The following POFUT3 variants were observed in gnomAD, a reference collection of about 807,000 sequenced individuals.
The protein encoded by POFUT3 is GDP-fucose protein O-fucosyltransferase 3.
chr8:33,351,399 C>A, the POFUT3 span, among the ~76,000 whole-genome samples: 1 of 152,148 alleles, frequency 6.6e-6, no homozygotes, highest in East Asian at 1.9e-4. Flanking sequence ...AGGAGCAGAT[C>A]TCTCATGATA....
At chr8:33,324,572 G>C in the POFUT3 span, among the ~76,000 whole-genome samples, 12,811 of 151,968 alleles carry the variant, frequency 0.084, 1,811 homozygotes, top group African/African-American at 0.29. Context: ...CTAAACCCCA[G>C]CTGTAAAATG....
the POFUT3 span, among the ~76,000 whole-genome samples, chr8:33,318,743 A>C: frequency 1.4e-5 from 1 of 70,872 alleles, no homozygotes; most frequent in Non-Finnish European, 2.3e-5. Flanking sequence ...ATATATATTT[A>C]TATAATATAT....
At chr8:33,433,091 G>C in the POFUT3 span, among the ~76,000 whole-genome samples, 1,444 of 151,718 alleles carry the variant, frequency 9.5e-3, 20 homozygotes, top group African/African-American at 0.033. Context: ...AAAATTAGCC[G>C]GGCACGGTGG....
the POFUT3 span, among the ~76,000 whole-genome samples, chr8:33,460,059 G>A: frequency 2.6e-5 from 4 of 152,136 alleles, no homozygotes; most frequent in East Asian, 3.9e-4. Flanking sequence ...GCTAGGTGGC[G>A]GAAGCCTGTA....
the POFUT3 span, among the ~76,000 whole-genome samples, chr8:33,460,303 C>A: frequency 6.6e-6 from 1 of 152,080 alleles, no homozygotes; most frequent in East Asian, 1.9e-4. Flanking sequence ...TGCAGTGAGC[C>A]GAGACTGCGC....
chr8:33,336,194 C>T, the POFUT3 span, among the ~76,000 whole-genome samples: 2 of 152,184 alleles, frequency 1.3e-5, no homozygotes, highest in Non-Finnish European at 2.9e-5. Context: ...ATAAATCCTG[C>T]CCTGCTTTGT....
At chr8:33,461,266 C>G in the POFUT3 span, 2 of 1,245,886 alleles carry the variant, frequency 1.6e-6, no homozygotes, top group South Asian at 2.9e-5. Flanking sequence ...CCTGAACACC[C>G]CTGATTCAGC....
At chr8:33,470,078 C>T in the POFUT3 span, among the ~76,000 whole-genome samples, 1 of 151,496 alleles carries the variant, frequency 6.6e-6, no homozygotes, top group South Asian at 2.1e-4. Context: ...CAGGTGTGAG[C>T]CATGGCGCCC....
the POFUT3 span, among the ~76,000 whole-genome samples, chr8:33,449,197 G>A: frequency 6.6e-6 from 1 of 150,750 alleles, no homozygotes; most frequent in Non-Finnish European, 1.5e-5. Flanking sequence ...CATACAAAAT[G>A]CTCTGTGGGC....
the POFUT3 span, among the ~76,000 whole-genome samples, chr8:33,410,686 C>T: frequency 6.6e-6 from 1 of 152,132 alleles, no homozygotes; most frequent in South Asian, 2.1e-4. Context: ...GTAACACAGC[C>T]CTTTGCATTG....
At chr8:33,358,681 T>G in the POFUT3 span, among the ~76,000 whole-genome samples, 1 of 152,054 alleles carries the variant, frequency 6.6e-6, no homozygotes, top group East Asian at 1.9e-4. Flanking sequence ...AGGATGGAGC[T>G]CTCATGAATG....
At chr8:33,317,776 T>C in the POFUT3 span, among the ~76,000 whole-genome samples, 1 of 152,072 alleles carries the variant, frequency 6.6e-6, no homozygotes, top group Non-Finnish European at 1.5e-5. Context: ...AGTTTGGGTC[T>C]GTAACACACC....
At chr8:33,315,630 G>A in the POFUT3 span, among the ~76,000 whole-genome samples, 1 of 151,986 alleles carries the variant, frequency 6.6e-6, no homozygotes, top group Non-Finnish European at 1.5e-5. Flanking sequence ...GAAACCGATG[G>A]GAACAAATGC....
chr8:33,424,859 T>C, the POFUT3 span, among the ~76,000 whole-genome samples: 1 of 152,190 alleles, frequency 6.6e-6, no homozygotes. Context: ...ATTTCAGGTT[T>C]CAGGAACGCA....
At chr8:33,407,987 CA>C in the POFUT3 span, among the ~76,000 whole-genome samples, 6,263 of 83,654 alleles carry the variant, frequency 0.075, 401 homozygotes, top group African/African-American at 0.24. Context: ...GACTCCATCT[CA>C]AAAAAAAAAA....
chr8:33,362,989 T>A, the POFUT3 span, among the ~76,000 whole-genome samples: 8 of 152,084 alleles, frequency 5.3e-5, no homozygotes, highest in Non-Finnish European at 1.2e-4. Context: ...CACCACATCA[T>A]GCTTATTCTA....
the POFUT3 span, chr8:33,453,621 C>A: frequency 4.7e-6 from 4 of 858,176 alleles, no homozygotes; most frequent in African/African-American, 5.1e-5. Context: ...GCTGCTGTAA[C>A]AAATTACCAC....
At chr8:33,408,016 G>GA in the POFUT3 span, among the ~76,000 whole-genome samples, 1 of 146,644 alleles carries the variant, frequency 6.8e-6, no homozygotes, top group Admixed American at 6.9e-5. Flanking sequence ...GAAAAGAAAA[G>GA]AAAGAAAGAA....
chr8:33,363,923 G>C, the POFUT3 span, among the ~76,000 whole-genome samples: 1 of 152,132 alleles, frequency 6.6e-6, no homozygotes, highest in Non-Finnish European at 1.5e-5. Context: ...CATTTTATGA[G>C]GCTAACATCA....
Sources: allele counts gnomAD v4.1 joint callset (sites outside exome capture counted in the v4.1 genomes callset), GRCh38; gene constraint gnomAD v4.1.1; transcripts MANE v1.5; gene names NCBI Gene and HGNC (gene_info 2026-07-23, HGNC 2026-07-21).